Variants in PIK3C2G observed in about 807,000 individuals in gnomAD.
The protein encoded by PIK3C2G is phosphatidylinositol-4-phosphate 3-kinase catalytic subunit type 2 gamma.
A neutral mutation model predicts 181.1 loss-of-function variants in PIK3C2G; 168 were observed. That is an observed-to-expected ratio of 0.93 (90% CI 0.82 to 1.05). PIK3C2G has a LOEUF of 1.05. Among genes scored for constraint, PIK3C2G ranks in the 50% least tolerant of loss-of-function variants. The pLI, the probability that PIK3C2G is intolerant of heterozygous loss-of-function variation, is 0.00. For missense variants in PIK3C2G, 1,869 were observed against 1,732.8 expected (o/e 1.08, Z -1.40); for synonymous variants, 573 against 592.2 (o/e 0.97, Z 0.47).
chr12:18,339,654 A>G (rs915785998), intron 9 of PIK3C2G, among the ~76,000 whole-genome samples: 1 of 152,184 alleles, frequency 6.6e-6, no homozygotes, highest in Non-Finnish European at 1.5e-5. Flanking sequence ...AGAAATAGTC[A>G]TGCTTACTGC....
the PIK3C2G span, among the ~76,000 whole-genome samples, chr12:18,710,133 T>G: frequency 1.3e-5 from 2 of 150,408 alleles, no homozygotes; most frequent in East Asian, 3.9e-4. Context: ...TTCTTCCTAT[T>G]GGAAATAATA....
At chr12:18,694,806 A>G in the PIK3C2G span, 1 of 953,046 alleles carries the variant, frequency 1.0e-6, no homozygotes, top group African/African-American at 1.7e-5. Context: ...ATTAACAGAA[A>G]TTTAAAAGAA....
intron 16 of PIK3C2G, among the ~76,000 whole-genome samples, chr12:18,416,159 C>G (rs1648259440): frequency 6.6e-6 from 1 of 152,038 alleles, no homozygotes; most frequent in Non-Finnish European, 1.5e-5. Context: ...GCAGGAGAAT[C>G]ACTTGAATCT....
At chr12:18,514,218 C>G (rs569493448) in intron 24 of PIK3C2G, among the ~76,000 whole-genome samples, 7 of 151,770 alleles carry the variant, frequency 4.6e-5, no homozygotes, top group African/African-American at 7.2e-5. Flanking sequence ...TTTCAATCAC[C>G]TTGAATTTGT....
chr12:18,726,201 G>T, the PIK3C2G span, among the ~76,000 whole-genome samples: 1 of 152,106 alleles, frequency 6.6e-6, no homozygotes, highest in African/African-American at 2.4e-5. Flanking sequence ...ATTTAAAAAT[G>T]CATATCCCAG....
chr12:18,394,449 A>T (rs1943733662), intron 15 of PIK3C2G, among the ~76,000 whole-genome samples: 1 of 152,132 alleles, frequency 6.6e-6, no homozygotes. Context: ...ATTGGAAAGA[A>T]TCAGGAAAAT....
chr12:18,358,011 A>G (rs761841188), intron 11 of PIK3C2G, among the ~76,000 whole-genome samples: 59 of 152,208 alleles, frequency 3.9e-4, no homozygotes, highest in Non-Finnish European at 7.1e-4. Context: ...GTGAACATTT[A>G]GATTCTTTCT....
chr12:18,683,506 A>T, the PIK3C2G span: 1 of 1,495,608 alleles, frequency 6.7e-7, no homozygotes, highest in Non-Finnish European at 9.0e-7. Flanking sequence ...TTCTATTCTG[A>T]CTTCCTAACT....
chr12:18,366,481 G>A (rs1941650971), intron 12 of PIK3C2G, among the ~76,000 whole-genome samples: 1 of 152,128 alleles, frequency 6.6e-6, no homozygotes, highest in Non-Finnish European at 1.5e-5. Context: ...AATGAGCCGA[G>A]ATTGCACCAC....
intron 24 of PIK3C2G, among the ~76,000 whole-genome samples, chr12:18,519,009 G>C (rs1423779926): frequency 6.6e-6 from 1 of 152,216 alleles, no homozygotes; most frequent in Non-Finnish European, 1.5e-5. Flanking sequence ...TCATTCAGGA[G>C]CTGGTTGTTC....
intron 8 of PIK3C2G, among the ~76,000 whole-genome samples, chr12:18,327,892 C>T (rs1951418630): frequency 6.6e-6 from 1 of 151,858 alleles, no homozygotes. Context: ...AGCATATCCA[C>T]ATAAATAATA....
chr12:18,347,235 T>C (rs1297068432), intron 11 of PIK3C2G, among the ~76,000 whole-genome samples: 13 of 149,460 alleles, frequency 8.7e-5, no homozygotes, highest in Non-Finnish European at 1.6e-4. Flanking sequence ...AAAAAAAAAA[T>C]CACTCTGATC....
rs1271312737 is a variant in PIK3C2G, at chr12:18,424,373, CTG to C, written c.2504+335_2504+336del. On this transcript the variant is annotated intron_variant, in intron 18 of 32. Transcript: ENST00000538779. ...TTTAATGTAAAATCTAGTTATGAGACTGAATGTTTTTGGAAGAATATGTGGTA... is the reference window on the plus strand; with the variant it reads ...TTTAATGTAAAATCTAGTTATGAGACAATGTTTTTGGAAGAATATGTGGTA... 4.6e-5 allele frequency among the ~76,000 whole-genome samples: 7 copies of C among 152,066 alleles called. No homozygotes were observed. The East Asian group carries it at 1.4e-3, about 29-fold the overall frequency.
Position 18,362,862 on chromosome 12 carries a change from T to G in PIK3C2G, c.1724T>G (p.Phe575Cys). ...AATATTCCAGACAAGAAATTATTTTTTTTCTTGGTCAACTGGAATGAAACG... is the reference window on the plus strand; with the variant it reads ...AATATTCCAGACAAGAAATTATTTTGTTTCTTGGTCAACTGGAATGAAACG... ...YRNIPDKKLFFFLVNWNETIN... is the reference protein window; with the variant it reads ...YRNIPDKKLFCFLVNWNETIN... The change falls in exon 12 of 33, where the codon TTT (phenylalanine) becomes TGT (cysteine). Residue 575 changes from phenylalanine (F) to cysteine (C), a missense_variant. Coordinates refer to ENST00000538779, the MANE Select transcript of PIK3C2G (RefSeq NM_001288772.2). 6.6e-7 allele frequency: 1 copy of G among 1,513,248 alleles called. No homozygotes were observed. Among genetic ancestry groups the G allele is most frequent in the Non-Finnish European group, 8.8e-7 (1 of 1,134,718 alleles). The allele number at this position is 1,513,248 out of a possible 1,614,324, so 93.7% of individuals were successfully genotyped here.
intron 25 of PIK3C2G, among the ~76,000 whole-genome samples, chr12:18,542,286 C>A (rs576392052): frequency 6.6e-6 from 1 of 151,974 alleles, no homozygotes; most frequent in African/African-American, 2.4e-5. Flanking sequence ...AATCTAGATT[C>A]TAGTGGCTAT....
chr12:18,430,717 A>G (rs1010831647), intron 18 of PIK3C2G, among the ~76,000 whole-genome samples: 1 of 152,160 alleles, frequency 6.6e-6, no homozygotes, highest in African/African-American at 2.4e-5. Context: ...GGATATCACT[A>G]GTGAAACCAA....
intron 18 of PIK3C2G, among the ~76,000 whole-genome samples, chr12:18,430,529 T>G (rs1485598379): frequency 1.3e-5 from 2 of 152,192 alleles, no homozygotes; most frequent in Non-Finnish European, 2.9e-5. Flanking sequence ...CTTGGCACTT[T>G]ATAGACATTC....
chr12:18,300,277 T>A (rs1411698716), intron 5 of PIK3C2G, among the ~76,000 whole-genome samples: 2 of 152,002 alleles, frequency 1.3e-5, no homozygotes, highest in African/African-American at 4.8e-5. Context: ...GTTGTATGTG[T>A]TTATTGGATA....
chr12:18,304,388 C>T (rs1371562574), intron 5 of PIK3C2G, among the ~76,000 whole-genome samples: 2 of 152,108 alleles, frequency 1.3e-5, no homozygotes, highest in Non-Finnish European at 1.5e-5. Flanking sequence ...TCCTGATTAG[C>T]TGGGACAACA....
Sources: gnomAD v4.1 joint callset for allele counts (sites outside exome capture counted in the v4.1 genomes callset) on GRCh38, gnomAD v4.1.1 for gene constraint, MANE v1.5 for transcripts, NCBI Gene and HGNC (gene_info 2026-07-23, HGNC 2026-07-21) for gene names.